VEPH1: variants seen among roughly 807,000 people sequenced by gnomAD.
VEPH1 encodes ventricular zone-expressed PH domain-containing protein homolog 1.
In VEPH1, 80 loss-of-function variants were observed where a neutral mutation model predicts 85.2. That is an observed-to-expected ratio of 0.94 (90% CI 0.78 to 1.13). VEPH1 has a LOEUF of 1.13. Ranked by LOEUF, VEPH1 falls within the 50% of genes most tolerant of loss-of-function variation. The pLI is 0.00. For missense variants in VEPH1, 955 were observed against 980.5 expected, an observed-to-expected ratio of 0.97 and a Z score of 0.35; for synonymous variants, 297 against 348.0, an observed-to-expected ratio of 0.85 and a Z score of 1.63.
chr3:157,282,392 C>G (rs1185964187), intron 12 of VEPH1, among the ~76,000 whole-genome samples: 1 of 152,172 alleles, frequency 6.6e-6, no homozygotes, highest in East Asian at 1.9e-4. Flanking sequence ...TCTTATAACA[C>G]AACTATTTGA....
At chr3:157,273,484 A>T (rs989327164) in intron 12 of VEPH1, among the ~76,000 whole-genome samples, 1 of 152,224 alleles carries the variant, frequency 6.6e-6, no homozygotes, top group Non-Finnish European at 1.5e-5. Flanking sequence ...ATTCTCAGGG[A>T]CAAGTTGCAG....
chr3:157,357,153 A>G (rs2108745533), intron 9 of VEPH1, among the ~76,000 whole-genome samples: 1 of 152,310 alleles, frequency 6.6e-6, no homozygotes, highest in Admixed American at 6.5e-5. Context: ...GGTGAGATAT[A>G]TTGAAATATA....
chr3:157,469,260 G>C (rs1177006934), intron 3 of VEPH1, among the ~76,000 whole-genome samples: 2 of 152,126 alleles, frequency 1.3e-5, no homozygotes, highest in African/African-American at 4.8e-5. Context: ...TTGTTCAGTT[G>C]ATCAATTCCT....
At chr3:157,278,588 C>T (rs1053557200) in intron 12 of VEPH1, among the ~76,000 whole-genome samples, 8 of 152,142 alleles carry the variant, frequency 5.3e-5, no homozygotes, top group Non-Finnish European at 1.0e-4. Context: ...CTGGCTGCAT[C>T]GTGGGAGGGA....
At position 157,402,995 on chromosome 3, in the gene VEPH1, T is replaced by G. The variant is rs1475370096; in HGVS notation, c.906+10886A>C. ...AAACCAGTACCAAGTTCCTAAGCCC[T>G]ACTCACTACAAAATAAATTCAGGCT... On this transcript the variant is annotated intron_variant, in intron 6 of 13. Coordinates refer to ENST00000362010, the MANE Select transcript of VEPH1 (RefSeq NM_001167912.2). Among the ~76,000 whole-genome samples, 3 of 152,306 alleles carry G rather than the reference T, an allele frequency of 2.0e-5. No homozygotes were observed. The South Asian group carries it at 6.2e-4, about 32-fold the overall frequency.
intron 3 of VEPH1, 40 bp from the exon 4 acceptor site, chr3:157,460,395 A>G: frequency 6.3e-7 from 1 of 1,586,130 alleles, no homozygotes; most frequent in Non-Finnish European, 8.6e-7. Flanking sequence ...TAAGTGACTC[A>G]TTATTCATTT....
At chr3:157,385,665 C>T (rs1729217860) in intron 6 of VEPH1, among the ~76,000 whole-genome samples, 1 of 152,026 alleles carries the variant, frequency 6.6e-6, no homozygotes, top group African/African-American at 2.4e-5. Context: ...TAAATCTGGC[C>T]TCATAAAGAT....
In VEPH1 at chr3:157,485,746, C is replaced by T. The variant is rs187870542; in HGVS notation, c.138+9466G>A. ...CTATTTTGATTATTTAAAAAATCTA[C>T]TTATATAACATTTACAAATTACATT... On this transcript the variant is annotated intron_variant, in intron 2 of 13. Transcript: ENST00000362010. Among the ~76,000 whole-genome samples, 185 of 152,016 alleles carry T rather than the reference C, an allele frequency of 1.2e-3. 1 individual carries two copies. Among genetic ancestry groups the T allele is most frequent in the African/African-American group, 4.1e-3 (172 of 41,500 alleles).
chr3:157,412,024 T>C (rs1290845472), intron 6 of VEPH1, among the ~76,000 whole-genome samples: 1 of 152,118 alleles, frequency 6.6e-6, no homozygotes, highest in Non-Finnish European at 1.5e-5. Context: ...GAGTGAGTGC[T>C]CATGAGATGT....
intron 9 of VEPH1, among the ~76,000 whole-genome samples, chr3:157,358,233 G>A (rs904314273): frequency 1.3e-5 from 2 of 152,270 alleles, no homozygotes; most frequent in South Asian, 4.1e-4. Flanking sequence ...TTCACTTTTT[G>A]GAGAGGTGGG....
chr3:157,442,790 G>C, intron 4 of VEPH1: 11 of 1,614,232 alleles, frequency 6.8e-6, no homozygotes, highest in Non-Finnish European at 9.3e-6. Context: ...GCTGCTGTGT[G>C]GGTGGTGGCT....
intron 5 of VEPH1, among the ~76,000 whole-genome samples, chr3:157,416,385 T>G (rs761139980): frequency 3.3e-5 from 5 of 152,140 alleles, no homozygotes; most frequent in Non-Finnish European, 5.9e-5. Flanking sequence ...TAGATTCTGG[T>G]AAATGGCATA....
chr3:157,429,273 G>A (rs1213164716), intron 4 of VEPH1, among the ~76,000 whole-genome samples: 1 of 152,004 alleles, frequency 6.6e-6, no homozygotes, highest in Non-Finnish European at 1.5e-5. Flanking sequence ...GGGATTTTTT[G>A]AACAAGAATT....
At position 157,460,176 on chromosome 3, in the gene VEPH1, C is replaced by G; in HGVS notation, c.529+5G>C. ...ATGTCCCCAAGCTCAACTTTCGCAC[C>G]ATACCTTGGAGTATGCTCTTTACTA... On this transcript the variant is annotated splice_donor_5th_base_variant and intron_variant, in intron 4 of 13. Transcript: ENST00000362010. The G allele has an allele frequency of 6.2e-7, 1 of 1,614,192 alleles. No homozygotes were observed. The highest frequency in any genetic ancestry group is 8.5e-7 in the Non-Finnish European group (1 of 1,180,034).
intron 2 of VEPH1, among the ~76,000 whole-genome samples, chr3:157,490,191 A>G (rs896725650): frequency 4.6e-5 from 7 of 151,996 alleles, no homozygotes; most frequent in Non-Finnish European, 1.0e-4. Context: ...AATTATTCAG[A>G]AAACAGGAGA....
At chr3:157,423,413 A>T (rs1019340632) in intron 5 of VEPH1, among the ~76,000 whole-genome samples, 2 of 152,222 alleles carry the variant, frequency 1.3e-5, no homozygotes, top group Non-Finnish European at 2.9e-5. Flanking sequence ...GGGGTACCCA[A>T]TTGTGTCTAC....
intron 11 of VEPH1, among the ~76,000 whole-genome samples, chr3:157,288,593 C>T (rs1005976587): frequency 9.2e-5 from 14 of 151,780 alleles, no homozygotes; most frequent in African/African-American, 2.9e-4. Context: ...TTTTTACTAA[C>T]GAACTATATA....
chr3:157,374,328 G>A (rs765692434), intron 7 of VEPH1, among the ~76,000 whole-genome samples: 1 of 152,140 alleles, frequency 6.6e-6, no homozygotes, highest in Non-Finnish European at 1.5e-5. Flanking sequence ...AATTTACCTT[G>A]GTGGGGCAAA....
At chr3:157,433,268 T>C (rs1223268761) in intron 4 of VEPH1, among the ~76,000 whole-genome samples, 2 of 152,194 alleles carry the variant, frequency 1.3e-5, no homozygotes, top group Non-Finnish European at 2.9e-5. Flanking sequence ...CTTTGATGAA[T>C]AGAGTCACTG....
Sources: gnomAD v4.1 joint callset for allele counts (sites outside exome capture counted in the v4.1 genomes callset) on GRCh38, gnomAD v4.1.1 for gene constraint, MANE v1.5 for transcripts, NCBI Gene and HGNC (gene_info 2026-07-23, HGNC 2026-07-21) for gene names.